The following ARHGAP22 variants were observed in gnomAD, a reference collection of about 807,000 sequenced individuals.
The protein encoded by ARHGAP22 is rho GTPase-activating protein 22.
ARHGAP22 carries 48 observed loss-of-function variants against 59.1 expected under a neutral mutation model. That is an observed-to-expected ratio of 0.81 (90% CI 0.64 to 1.03). The LOEUF (loss-of-function observed/expected upper bound fraction) is 1.03, where lower values mean the gene tolerates loss of function less well. ARHGAP22 is among the 50% of genes least tolerant of loss of function. The pLI is 0.00. For missense variants in ARHGAP22, 1,015 were observed against 958.7 expected, an observed-to-expected ratio of 1.06 and a Z score of -0.78; for synonymous variants, 445 against 416.4, an observed-to-expected ratio of 1.07 and a Z score of -0.84.
At chr10:48,442,401 C>T (rs2133461298), downstream of ARHGAP22, among the ~76,000 whole-genome samples, 1 of 152,360 alleles carries the variant, frequency 6.6e-6, no homozygotes, top group South Asian at 2.1e-4. Context: ...TTCGTCAAGT[C>T]AAGCATCTGT....
At chr10:48,503,449 T>C (rs1044065505) in intron 3 of ARHGAP22, among the ~76,000 whole-genome samples, 7 of 152,194 alleles carry the variant, frequency 4.6e-5, no homozygotes, top group Non-Finnish European at 1.0e-4. Context: ...TATTTCTACA[T>C]TGGTATAAAC....
intron 2 of ARHGAP22, among the ~76,000 whole-genome samples, chr10:48,570,976 G>T (rs185869441): frequency 6.6e-6 from 1 of 152,194 alleles, no homozygotes; most frequent in African/African-American, 2.4e-5. Context: ...CTTTGGCCTC[G>T]TTTTTGACTC....
At chr10:48,528,003 A>G (rs2054488962) in intron 3 of ARHGAP22, among the ~76,000 whole-genome samples, 1 of 152,204 alleles carries the variant, frequency 6.6e-6, no homozygotes. Context: ...TCTATGGGAT[A>G]GAGGCTGCCC....
chr10:48,600,633 C>G (rs757000540), intron 1 of ARHGAP22, among the ~76,000 whole-genome samples: 1 of 152,020 alleles, frequency 6.6e-6, no homozygotes, highest in Non-Finnish European at 1.5e-5. Context: ...TTTATTTCCT[C>G]GAATCAGGTT....
At chr10:48,434,485 A>G in the ARHGAP22 span, among the ~76,000 whole-genome samples, 2 of 152,346 alleles carry the variant, frequency 1.3e-5, no homozygotes, top group East Asian at 3.9e-4. Flanking sequence ...TTTTGTAGTT[A>G]CACAGTCCTT....
intron 3 of ARHGAP22, among the ~76,000 whole-genome samples, chr10:48,496,396 T>C (rs77555267): frequency 1.3e-5 from 2 of 152,204 alleles, no homozygotes; most frequent in East Asian, 1.9e-4. Context: ...CGCAATCACA[T>C]AGACTATGGC....
intron 9 of ARHGAP22, among the ~76,000 whole-genome samples, chr10:48,448,037 C>G (rs1190569762): frequency 2.6e-5 from 4 of 152,126 alleles, no homozygotes; most frequent in Admixed American, 2.0e-4. Context: ...CTGGCAAGCT[C>G]TGCTCGGCAT....
intron 4 of ARHGAP22, among the ~76,000 whole-genome samples, chr10:48,466,266 TGC>T (rs1326107455): frequency 2.4e-5 from 1 of 40,946 alleles, no homozygotes; most frequent in East Asian, 9.6e-3. Context: ...TGCAAGTCCC[TGC>T]GCCCCCCCCC....
At chr10:48,462,824 G>C (rs962452826) in intron 4 of ARHGAP22, among the ~76,000 whole-genome samples, 1 of 152,232 alleles carries the variant, frequency 6.6e-6, no homozygotes, top group Non-Finnish European at 1.5e-5. Flanking sequence ...AGCTGCCAGG[G>C]ACAGCTGTGA....
intron 3 of ARHGAP22, among the ~76,000 whole-genome samples, chr10:48,531,259 G>T (rs2054818814): frequency 6.6e-6 from 1 of 152,146 alleles, no homozygotes; most frequent in African/African-American, 2.4e-5. Flanking sequence ...ATGGACTTTG[G>T]GGAATTGGGG....
chr10:48,485,214 G>A (rs890413420), intron 3 of ARHGAP22, among the ~76,000 whole-genome samples: 8 of 151,816 alleles, frequency 5.3e-5, no homozygotes, highest in Admixed American at 3.3e-4. Flanking sequence ...GGTTTAATTT[G>A]GTCTTTTTCT....
At chr10:48,654,953 CTT>C (rs1191639697), upstream of ARHGAP22, among the ~76,000 whole-genome samples, 8 of 90,396 alleles carry the variant, frequency 8.8e-5, no homozygotes, top group African/African-American at 1.5e-4. Flanking sequence ...TTCTTTCTCT[CTT>C]TCTCCTTCCT....
chr10:48,549,515 G>T (rs750922798), intron 3 of ARHGAP22, among the ~76,000 whole-genome samples: 25 of 152,042 alleles, frequency 1.6e-4, no homozygotes, highest in Non-Finnish European at 3.1e-4. Context: ...CTAGGGGAAC[G>T]CCTCTTTCCC....
upstream of ARHGAP22, chr10:48,605,159 G>T (rs909869814): frequency 8.7e-7 from 1 of 1,153,598 alleles, no homozygotes; most frequent in South Asian, 2.5e-5. Context: ...GGGGCCGAGA[G>T]GGGCGGGGCC....
intron 3 of ARHGAP22, chr10:48,493,574 G>A: frequency 1.3e-6 from 2 of 1,510,456 alleles, no homozygotes; most frequent in South Asian, 1.2e-5. Context: ...GGTGCACGAG[G>A]CACTCCTCCA....
chr10:48,446,982 T>C (rs1408431089), intron 9 of ARHGAP22, among the ~76,000 whole-genome samples: 6 of 152,192 alleles, frequency 3.9e-5, no homozygotes, highest in Non-Finnish European at 8.8e-5. Context: ...GACTGTCCCC[T>C]GGCCTTTGCT....
At chr10:48,603,123 C>T (rs555016622) in intron 1 of ARHGAP22, among the ~76,000 whole-genome samples, 1 of 152,318 alleles carries the variant, frequency 6.6e-6, no homozygotes, top group African/African-American at 2.4e-5. Context: ...TAGCACCCCT[C>T]AGTTGGAATA....
intron 3 of ARHGAP22, among the ~76,000 whole-genome samples, chr10:48,553,154 C>T (rs750393403): frequency 6.6e-6 from 1 of 152,256 alleles, no homozygotes; most frequent in Non-Finnish European, 1.5e-5. Context: ...CCCCGGGCAG[C>T]ACTGGCATTG....
intron 8 of ARHGAP22, among the ~76,000 whole-genome samples, chr10:48,451,959 G>A (rs1282295466): frequency 2.6e-5 from 3 of 115,072 alleles, no homozygotes; most frequent in African/African-American, 7.1e-5. Context: ...CCCAAAATCC[G>A]CCACACACAA....
Sources: allele counts gnomAD v4.1 joint callset (sites outside exome capture counted in the v4.1 genomes callset), GRCh38; gene constraint gnomAD v4.1.1; transcripts MANE v1.5; gene names NCBI Gene and HGNC (gene_info 2026-07-23, HGNC 2026-07-21).